ZBTB21: variants seen among roughly 807,000 people sequenced by gnomAD.
ZBTB21 encodes the protein zinc finger and BTB domain-containing protein 21.
ZBTB21 carries 10 observed loss-of-function variants against 39.8 expected under a neutral mutation model. The ratio of observed to expected loss-of-function variants is 0.25; its 90% CI spans 0.16 to 0.43. The LOEUF is 0.43. Ranked by LOEUF, ZBTB21 falls within the 20% of genes least tolerant of loss-of-function variation. ZBTB21 has a pLI of 1.00. For missense variants in ZBTB21, 1,221 were observed against 1,296.3 expected, an observed-to-expected ratio of 0.94 and a Z score of 0.89; for synonymous variants, 551 against 498.8, an observed-to-expected ratio of 1.10 and a Z score of -1.40.
At position 41,993,156 on chromosome 21, in the gene ZBTB21, C is replaced by T. The variant is rs1289527818; in HGVS notation, c.940G>A (p.Gly314Ser). The T allele has an allele frequency of 6.2e-7, 1 of 1,614,002 alleles. No homozygotes were observed. Among genetic ancestry groups the T allele is most frequent in the African/African-American group, 1.3e-5 (1 of 74,932 alleles). ...DRNLLYYSKL[G>S]LVIPSSGSGS... Reference sequence around the variant, plus strand: ...GATCCACTGGATGGGATCACTAAGCCTAACTTTGAATAGTACAACAAGTTT... The same window carrying T: ...GATCCACTGGATGGGATCACTAAGCTTAACTTTGAATAGTACAACAAGTTT... Residue 314 changes from glycine (G) to serine (S), a missense_variant, in exon 3 of 3, where the codon GGC (glycine) becomes AGC (serine). Physicochemically the swap from Gly to Ser is moderately conservative, Grantham distance 56 (BLOSUM62 0). Transcript: ENST00000310826.
chr21:41,997,947 C>A (rs1237778342), intron 2 of ZBTB21, among the ~76,000 whole-genome samples: 1 of 152,008 alleles, frequency 6.6e-6, no homozygotes, highest in Non-Finnish European at 1.5e-5. Context: ...TTAGGAATGA[C>A]AACTGTGCCC....
In ZBTB21 at chr21:41,988,140, T is replaced by G. The variant is rs1280290989; in HGVS notation, c.*2755A>C. Reference sequence around the variant, plus strand: ...AATATTACTGTTAAAATGCACAATATTTGTTACCTCCATTGCTTACTTTGA... The same window carrying G: ...AATATTACTGTTAAAATGCACAATAGTTGTTACCTCCATTGCTTACTTTGA... On this transcript the variant is annotated 3_prime_UTR_variant, in exon 3 of 3. Coordinates refer to ENST00000310826, the MANE Select transcript of ZBTB21 (RefSeq NM_001098402.2). 1 of 152,240 alleles carries G rather than the reference T, an allele frequency of 6.6e-6. No homozygotes were observed. The highest frequency in any genetic ancestry group is 2.4e-5 in the African/African-American group (1 of 41,466). 9.4% of individuals were successfully genotyped at this position (152,240 alleles called of 1,614,324 possible). A position where few individuals can be genotyped will look rare whatever the true frequency, so the allele number is the denominator to read the frequency against.
At chr21:41,998,796 T>C (rs2839434) in intron 2 of ZBTB21, among the ~76,000 whole-genome samples, 37,491 of 152,076 alleles carry the variant, frequency 0.25, 4,763 homozygotes, top group Non-Finnish European at 0.27. Flanking sequence ...TTTAACCGAC[T>C]GAGACACAGG....
In ZBTB21 at chr21:41,993,278, T is replaced by C; in HGVS notation, c.818A>G (p.Lys273Arg). Residue 273 changes from lysine (K) to arginine (R), a missense_variant, in exon 3 of 3, where the codon AAG becomes AGG. Coordinates refer to ENST00000310826, the MANE Select transcript of ZBTB21 (RefSeq NM_001098402.2). ...PKGKALELALKRPRPPVLSVC... is the reference protein window; with the variant it reads ...PKGKALELALRRPRPPVLSVC... ...AGACAAAACAGGTGGCCGTGGTCTC[T>C]TCAAAGCCAGCTCTAGAGCTTTTCC... 6.2e-7 allele frequency: 1 copy of C among 1,612,674 alleles called. No homozygotes were observed. The highest frequency in any genetic ancestry group is 8.5e-7 in the Non-Finnish European group (1 of 1,180,020).
chr21:41,998,326 G>A (rs1003567976), intron 2 of ZBTB21, among the ~76,000 whole-genome samples: 2 of 151,680 alleles, frequency 1.3e-5, no homozygotes, highest in Admixed American at 6.6e-5. Context: ...TGAGTAGCTG[G>A]GATTACAGGC....
chr21:41,992,308 G>A lies in ZBTB21; in HGVS notation c.1788C>T (p.Thr596=). 6.2e-7 allele frequency: 1 copy of A among 1,614,158 alleles called. No homozygotes were observed. The highest frequency in any genetic ancestry group is 8.5e-7 in the Non-Finnish European group (1 of 1,180,032). Residue 596 remains threonine (T), a synonymous_variant, in exon 3 of 3, where the codon ACC becomes ACT. Transcript: ENST00000310826. The surrounding 1 kb of genome is among the most constrained non-coding windows in gnomAD (Gnocchi z 4.1). ...ATGGGTTCTTCACTATGCCGTGTTG[G>A]GTCTGACAGTGTGTCCACACTTTGA... ...TNFKVWTHCQ[T]QHGIVKNPSP...
Position 41,988,637 on chromosome 21 carries a change from T to C in ZBTB21, c.*2258A>G, listed in dbSNP as rs955215751. The C allele has an allele frequency of 2.0e-5, 3 of 152,184 alleles. No homozygotes were observed. Among genetic ancestry groups the C allele is most frequent in the Admixed American group, 6.5e-5 (1 of 15,280 alleles). The allele number at this position is 152,184 out of a possible 1,614,324, so 9.4% of individuals were successfully genotyped here. On this transcript the variant is annotated 3_prime_UTR_variant, in exon 3 of 3. Transcript: ENST00000310826. ...AGAAAAACCAGAACGGCATTATAAA[T>C]GTTTTTGGTTCAAAATTTTATTTGA... is the stretch of plus-strand genomic sequence containing the variant.
Position 41,990,822 on chromosome 21 carries a change from TTTC to T in ZBTB21, c.*70_*72del. The T allele has an allele frequency of 7.4e-7, 1 of 1,345,122 alleles. No individual in the cohort carries two copies. Among genetic ancestry groups the T allele is most frequent in the Non-Finnish European group, 9.7e-7 (1 of 1,025,700 alleles). The allele number at this position is 1,345,122 out of a possible 1,614,324, so 83.3% of individuals were successfully genotyped here. ...TTATTCTTGTTTAAAAAATATTTTGTTTCTTATGACACATTTCACAATTCAGGT... is the reference window on the plus strand; with the variant it reads ...TTATTCTTGTTTAAAAAATATTTTGTTTATGACACATTTCACAATTCAGGT... On this transcript the variant is annotated 3_prime_UTR_variant, in exon 3 of 3. Coordinates refer to ENST00000310826, the MANE Select transcript of ZBTB21 (RefSeq NM_001098402.2).
chr21:41,987,749 A>T lies in ZBTB21; in HGVS notation c.*3146T>A, dbSNP rs1029255555. On this transcript the variant is annotated 3_prime_UTR_variant, in exon 3 of 3. Coordinates refer to ENST00000310826, the MANE Select transcript of ZBTB21 (RefSeq NM_001098402.2). The stretch of plus-strand genomic sequence containing the variant: ...TGTGTGTACAAACCCAATTTGAGAC[A>T]ACAAAGGCCAACTTTAGATCTGTTA... 6.6e-6 allele frequency: 1 copy of T among 152,230 alleles called. No individual in the cohort carries two copies. The highest frequency in any genetic ancestry group is 1.5e-5 in the Non-Finnish European group (1 of 68,036). 9.4% of individuals were successfully genotyped at this position (152,230 alleles called of 1,614,324 possible).
chr21:41,995,013 C>G (rs1477972744), intron 2 of ZBTB21, among the ~76,000 whole-genome samples: 1 of 152,218 alleles, frequency 6.6e-6, no homozygotes, highest in Non-Finnish European at 1.5e-5. Flanking sequence ...ATTAAAAGGC[C>G]TCCCCAACCA....
Position 41,991,540 on chromosome 21 carries a change from T to C in ZBTB21, c.2556A>G (p.Glu852=), listed in dbSNP as rs1474817152. The change falls in exon 3 of 3, where the codon GAA becomes GAG. Residue 852 remains glutamate (E), a synonymous_variant. Coordinates refer to ENST00000310826, the MANE Select transcript of ZBTB21 (RefSeq NM_001098402.2). The surrounding 1 kb of genome is among the most constrained non-coding windows in gnomAD (Gnocchi z 4.9). The part of the protein sequence containing the change: ...KDDNVFSDSS[E]QVNFDSEDSS... ...AATCTTCCGAGTCGAAGTTAACTTG[T>C]TCTGAAGAATCACTGAACACGTTGT... 6.2e-7 allele frequency: 1 copy of C among 1,614,218 alleles called. No individual in the cohort carries two copies. Among genetic ancestry groups the C allele is most frequent in the Admixed American group, 1.7e-5 (1 of 60,032 alleles).
chr21:42,009,947 G>A (rs1227743337), intron 1 of ZBTB21, among the ~76,000 whole-genome samples: 3 of 152,220 alleles, frequency 2.0e-5, no homozygotes, highest in African/African-American at 4.8e-5. Flanking sequence ...CTCGGCCAGG[G>A]TGAAGAGTGA....
rs1477660116 is a variant in ZBTB21 at position 41,992,555 on chromosome 21, C to T, written c.1541G>A (p.Gly514Asp). 11 of 1,614,058 alleles carry T rather than the reference C, an allele frequency of 6.8e-6. No individual in the cohort carries two copies. The highest frequency in any genetic ancestry group is 1.3e-5 in the African/African-American group (1 of 74,894). Residue 514 changes from glycine (G) to aspartate (D), a missense_variant, in exon 3 of 3, where the codon GGC becomes GAC. By Grantham distance (94) the Gly-to-Asp change is moderately conservative (BLOSUM62 -1). This residue lies in a region of ZBTB21 where 500 missense variants were observed against 465.6 expected (regional missense o/e 1.07). Coordinates refer to ENST00000310826, the MANE Select transcript of ZBTB21 (RefSeq NM_001098402.2). This position sits in a 1 kb window ranked among gnomAD's most constrained non-coding sequence, Gnocchi z 4.1. ...TGCATCAAGGAGAGTAGGGCTTGAG[C>T]CTTCCTCAAAATTATCTTCTGACAC... ...SPVSEDNFEE[G>D]SSPTLLDADF...
intron 2 of ZBTB21, among the ~76,000 whole-genome samples, chr21:41,997,513 T>C (rs1601643995): frequency 6.7e-6 from 1 of 149,704 alleles, no homozygotes; most frequent in South Asian, 2.1e-4. Context: ...GAAGTGGAGG[T>C]TGTAGTGAGC....
Position 41,993,997 on chromosome 21 carries a change from C to T in ZBTB21, c.99G>A (p.Leu33=), listed in dbSNP as rs761211616. 6.1e-5 allele frequency: 98 copies of T among 1,614,148 alleles called. No individual in the cohort carries two copies. Among genetic ancestry groups the T allele is most frequent in the Non-Finnish European group, 7.7e-5 (91 of 1,180,056 alleles). ...GGAACTTTTGGTCTCCAACAATCAG[C>T]AGCACATCACACAGCTGTCCTTTGA... ...ERLKGQLCDV[L]LIVGDQKFRA... Residue 33 remains leucine, a synonymous_variant, in exon 3 of 3, where the codon CTG becomes CTA. Transcript: ENST00000310826.
At chr21:42,008,342 CAAAAAAAAAA>C (rs767411984) in intron 1 of ZBTB21, among the ~76,000 whole-genome samples, 1,182 of 54,316 alleles carry the variant, frequency 0.022, 23 homozygotes, top group African/African-American at 0.082. Context: ...CCCGTCTCTA[CAAAAAAAAAA>C]AAAAAAAAAA....
At chr21:42,009,972 T>C (rs1356179798) in intron 1 of ZBTB21, among the ~76,000 whole-genome samples, 3 of 152,118 alleles carry the variant, frequency 2.0e-5, no homozygotes, top group Admixed American at 6.5e-5. Context: ...CGTGAGGGAA[T>C]GGAGCATGCG....
Position 41,992,157 on chromosome 21 carries a change from GA to G in ZBTB21, c.1938del (p.Gln647ArgfsTer16), listed in dbSNP as rs1284857275. On this transcript the variant is annotated frameshift_variant, in exon 3 of 3. Transcript: ENST00000310826. LOFTEE classifies it high-confidence loss of function. The surrounding 1 kb of genome is among the most constrained non-coding windows in gnomAD (Gnocchi z 4.1). ...IIKLRRGKPG[F>X]QGQSSSQAQQ... ...TGTGCTTGGGAGCTACTCTGTCCCTGAAAACCAGGCTTGCCGCGCCTTAACT... is the reference window on the plus strand; with the variant it reads ...TGTGCTTGGGAGCTACTCTGTCCCTGAAACCAGGCTTGCCGCGCCTTAACT... The G allele has an allele frequency of 1.2e-6, 2 of 1,614,068 alleles. No individual in the cohort carries two copies. The highest frequency in any genetic ancestry group is 2.7e-5 in the African/African-American group (2 of 74,928).
At chr21:42,010,064 T>C (rs1278830979) in intron 1 of ZBTB21, among the ~76,000 whole-genome samples, 188 bp downstream of exon 1, 1 of 152,220 alleles carries the variant, frequency 6.6e-6, no homozygotes, top group Non-Finnish European at 1.5e-5. Context: ...ACCCGGGACA[T>C]GCTCGGTGAG....
Sources: allele counts gnomAD v4.1 joint callset (sites outside exome capture counted in the v4.1 genomes callset), GRCh38; gene constraint gnomAD v4.1.1; regional missense constraint gnomAD v4.1.1; non-coding constraint Gnocchi (gnomAD v3.1); transcripts MANE v1.5; gene names NCBI Gene and HGNC (gene_info 2026-07-23, HGNC 2026-07-21).